Variants in SOD2 observed in about 807,000 individuals in gnomAD.
SOD2 encodes the protein superoxide dismutase [Mn], mitochondrial.
SOD2 carries 11 observed loss-of-function variants against 27.0 expected under a neutral mutation model. That is an observed-to-expected ratio of 0.41 (90% CI 0.26 to 0.67). The LOEUF (loss-of-function observed/expected upper bound fraction) is 0.67. Among genes scored for constraint, SOD2 ranks in the 30% least tolerant of loss-of-function variants. SOD2 has a pLI of 0.34. For synonymous variants in SOD2, 105 were observed against 103.0 expected (o/e 1.02, Z -0.12); for missense variants, 250 against 274.5 (o/e 0.91, Z 0.63).
Position 159,702,676 on chromosome 6 carries a change from A to AAAAG in SOD2, c.-115-9817_-115-9814dup, listed in dbSNP as rs1162195620. Among the ~76,000 whole-genome samples, 706 of 142,922 alleles carry AAAAG rather than the reference A, an allele frequency of 4.9e-3. 10 individuals carry two copies. The highest frequency in any genetic ancestry group is 0.033 in the East Asian group (156 of 4,662). 93.8% of individuals were successfully genotyped at this position (142,922 alleles called of 152,430 possible). On this transcript the variant is annotated intron_variant, in intron 1 of 2. Coordinates refer to the SOD2 transcript ENST00000401980. Reference sequence around the variant, plus strand: ...CTCCAAAAAAAAAAAAAAAAAAAAAAAAAGAAAGAAAGAAAGAAAGAAAAA... The same window carrying AAAAG: ...CTCCAAAAAAAAAAAAAAAAAAAAAAAAAGAAAGAAAGAAAGAAAGAAAGAAAAA...
intron 1 of SOD2, among the ~76,000 whole-genome samples, chr6:159,704,035 C>T (rs1330726053): frequency 6.6e-6 from 1 of 152,196 alleles, no homozygotes; most frequent in Non-Finnish European, 1.5e-5. Context: ...CCTGTAATCC[C>T]AGCACTTTGG....
upstream of SOD2, among the ~76,000 whole-genome samples, chr6:159,730,452 A>T (rs1323016870): frequency 1.3e-5 from 2 of 152,212 alleles, no homozygotes; most frequent in Non-Finnish European, 2.9e-5. Flanking sequence ...GCTAAAAAAA[A>T]AATTGCCCTG....
chr6:159,739,193 A>G (rs1583079962), intron 1 of SOD2: 2 of 575,776 alleles, frequency 3.5e-6, no homozygotes, highest in East Asian at 6.4e-5. Context: ...ACTATGACCT[A>G]TTTCTTATAT....
At chr6:159,699,184 C>T (rs181433645) in intron 1 of SOD2, among the ~76,000 whole-genome samples, 2 of 152,324 alleles carry the variant, frequency 1.3e-5, no homozygotes, top group East Asian at 3.9e-4. Context: ...CAACTTATCC[C>T]TATCTCCTCA....
chr6:159,755,760 C>CTTTTGTTTTTTTTTTTTT (rs1779984995), intron 1 of SOD2: 1 of 283,704 alleles, frequency 3.5e-6, no homozygotes, highest in East Asian at 9.2e-5. Flanking sequence ...TTTTTTTTTT[C>CTTTTGTTTTTTTTTTTTT]TTTTCTTTTT....
intron 1 of SOD2, among the ~76,000 whole-genome samples, chr6:159,705,351 G>A (rs909092873): frequency 3.9e-5 from 6 of 152,136 alleles, no homozygotes; most frequent in Admixed American, 6.6e-5. Context: ...TGAACCCATC[G>A]CAAAGAAGTT....
At chr6:159,746,125 C>T (rs777422048), upstream of SOD2, among the ~76,000 whole-genome samples, 7 of 152,104 alleles carry the variant, frequency 4.6e-5, no homozygotes, top group East Asian at 1.9e-4. Flanking sequence ...CTGTACAATA[C>T]GAATTTAAAA....
At chr6:159,754,946 C>T in intron 1 of SOD2, 1 of 1,380,080 alleles carries the variant, frequency 7.2e-7, no homozygotes, top group Non-Finnish European at 9.7e-7. Flanking sequence ...TTATTGACTC[C>T]CTTGCTTTGT....
intron 3 of SOD2, 131 bp downstream of exon 3, chr6:159,687,995 G>A: frequency 4.6e-6 from 3 of 653,248 alleles, no homozygotes; most frequent in Non-Finnish European, 5.5e-6. Context: ...TGGGCAACAA[G>A]AGCAAAACTC....
chr6:159,713,604 A>G lies in SOD2; in HGVS notation c.-116+13525T>C, dbSNP rs2114828915. 2.0e-5 allele frequency: 19 copies of G among 962,316 alleles called. No individual in the cohort carries two copies. The South Asian group carries it at 2.5e-4, about 13-fold the overall frequency. 59.6% of individuals were successfully genotyped at this position (962,316 alleles called of 1,614,324 possible). ...CATTTGGCACAATTTCCAACCCTGA[A>G]AAGAAATGAACAATCTCTTCCTTGG... is the stretch of plus-strand genomic sequence containing the variant. On this transcript the variant is annotated intron_variant, in intron 1 of 2. Transcript: ENST00000401980.
intron 1 of SOD2, among the ~76,000 whole-genome samples, chr6:159,735,638 A>G (rs1778864784): frequency 6.6e-6 from 1 of 152,080 alleles, no homozygotes. Flanking sequence ...AGTCCCAGCT[A>G]TTTAGGGGGC....
rs67668924 is a variant in SOD2 at position 159,734,375 on chromosome 6, C to CAA, written c.-116+10753_-116+10754dup. Among the ~76,000 whole-genome samples the CAA allele has an allele frequency of 7.8e-3, 1,014 of 130,726 alleles. 6 individuals are homozygous for CAA. The highest frequency in any genetic ancestry group is 0.019 in the Middle Eastern group (5 of 264). 85.8% of individuals were successfully genotyped at this position (130,726 alleles called of 152,430 possible). ...CTGGCAACAGAGTGAGACTCCATCTCAAAAAAAAAAAAAAAAATTCAGTTT... is the reference window on the plus strand; with the variant it reads ...CTGGCAACAGAGTGAGACTCCATCTCAAAAAAAAAAAAAAAAAAATTCAGTTT... On this transcript the variant is annotated intron_variant, in intron 1 of 3. Coordinates refer to the SOD2 transcript ENST00000537657.
rs5746135 is a variant in SOD2 at position 159,682,082 on chromosome 6, C to T, written c.*411G>A. On this transcript the variant is annotated 3_prime_UTR_variant, in exon 5 of 5. Coordinates refer to ENST00000538183, the MANE Select transcript of SOD2 (RefSeq NM_000636.4). Reference sequence around the variant, plus strand: ...AAAAGTGCAATTTTCTATAGAAAGCCGAGTGTTTCCCTTGGGAAAGTGTTA... The same window carrying T: ...AAAAGTGCAATTTTCTATAGAAAGCTGAGTGTTTCCCTTGGGAAAGTGTTA... 0.011 allele frequency: 1,747 copies of T among 153,802 alleles called. 97 individuals carry two copies. The highest frequency in any genetic ancestry group is 0.094 in the Admixed American group (1,449 of 15,340). 9.5% of individuals were successfully genotyped at this position (153,802 alleles called of 1,614,324 possible). A position where few individuals can be genotyped will look rare whatever the true frequency, so the allele number is the denominator to read the frequency against.
At chr6:159,694,389 C>T (rs2758346), upstream of SOD2, among the ~76,000 whole-genome samples, 71,336 of 151,776 alleles carry the variant, frequency 0.47, 17,206 homozygotes, top group Admixed American at 0.53. Flanking sequence ...TTGCAACCCC[C>T]GTACAGCCCT....
intron 1 of SOD2, chr6:159,726,604 G>A (rs1048018): frequency 2.3e-4 from 89 of 380,506 alleles, no homozygotes; most frequent in South Asian, 6.7e-4. Flanking sequence ...TCTTACTTCA[G>A]GGAGTCTACT....
rs573792060 is a variant in SOD2 at position 159,691,325 on chromosome 6, G to T, written c.226+1336C>A. On this transcript the variant is annotated intron_variant, in intron 2 of 4. Coordinates refer to ENST00000538183, the MANE Select transcript of SOD2 (RefSeq NM_000636.4). ...ACGGGGCCTTTTCCCGTAATTCAAG[G>T]TTCGTCTGTCTCAAGTAAATCTTCC... 2.0e-5 allele frequency: 3 copies of T among 152,180 alleles called. No individual in the cohort carries two copies. The South Asian group carries it at 6.2e-4, about 32-fold the overall frequency. 9.4% of individuals were successfully genotyped at this position (152,180 alleles called of 1,614,324 possible). A position where few individuals can be genotyped will look rare whatever the true frequency, so the allele number is the denominator to read the frequency against.
At position 159,692,722 on chromosome 6, in the gene SOD2, G is replaced by C. The variant is rs370671213; in HGVS notation, c.165C>G (p.His55Gln). Residue 55 changes from histidine (H) to glutamine (Q), a missense_variant, in exon 2 of 5, where the codon CAC becomes CAG. Transcript: ENST00000538183. The part of the protein sequence containing the change: ...QIMQLHHSKH[H>Q]AAYVNNLNVT... The stretch of plus-strand genomic sequence containing the variant: ...CGTTCAGGTTGTTCACGTAGGCCGC[G>C]TGGTGCTTGCTGTGGTGCAGCTGCA... 3 of 1,614,148 alleles carry C rather than the reference G, an allele frequency of 1.9e-6. No homozygotes were observed. Among genetic ancestry groups the C allele is most frequent in the Non-Finnish European group, 2.5e-6 (3 of 1,180,032 alleles).
At chr6:159,755,013 C>T in intron 1 of SOD2, 1 of 1,581,606 alleles carries the variant, frequency 6.3e-7, no homozygotes, top group Non-Finnish European at 8.6e-7. Context: ...GTTGGTCTGA[C>T]TCTCCTTTGC....
intron 1 of SOD2, among the ~76,000 whole-genome samples, chr6:159,739,508 G>A (rs1054465724): frequency 3.6e-4 from 54 of 152,052 alleles, no homozygotes; most frequent in African/African-American, 6.5e-4. Flanking sequence ...GAATTTCTGC[G>A]GTTATCTTGT....
Sources: allele counts gnomAD v4.1 joint callset (sites outside exome capture counted in the v4.1 genomes callset), GRCh38; gene constraint gnomAD v4.1.1; transcripts MANE v1.5; gene names NCBI Gene and HGNC (gene_info 2026-07-23, HGNC 2026-07-21).